The following ZNF726 variants were observed in gnomAD, a reference collection of about 807,000 sequenced individuals.
The protein encoded by ZNF726 is zinc finger protein 92 pseudogene 3.
In ZNF726, 15 loss-of-function variants were observed where a neutral mutation model predicts 11.6. That is an observed-to-expected ratio of 1.29 (90% confidence interval 0.86 to 1.99). The LOEUF (loss-of-function observed/expected upper bound fraction) is 1.99. Ranked by LOEUF, ZNF726 falls within the 30% of genes most tolerant of loss-of-function variation. The pLI, the probability that ZNF726 is intolerant of heterozygous loss-of-function variation, is 0.00. For synonymous variants in ZNF726, 295 were observed against 243.6 expected (o/e 1.21, Z -1.96); for missense variants, 890 against 725.6 (o/e 1.23, Z -2.60).
chr19:23,923,153 A>G (rs1163078276), intron 3 of ZNF726, among the ~76,000 whole-genome samples: 2 of 152,066 alleles, frequency 1.3e-5, no homozygotes, highest in Non-Finnish European at 2.9e-5. Flanking sequence ...TTCCCCAAAT[A>G]TTTGTTTCAC....
Position 23,933,312 on chromosome 19 carries a change from G to T in ZNF726, c.1196G>T (p.Cys399Phe), listed in dbSNP as rs773814539. The change falls in exon 4 of 4, where the codon TGT becomes TTT. Residue 399 changes from cysteine (C) to phenylalanine (F), a missense_variant. By Grantham distance (205) the Cys-to-Phe change is radical. Transcript: ENST00000594466. ...CACACTGGAGAGAAACCCTACAAAT[G>T]TGAAGAATGTGGCAAAGCTTTTCAT... The part of the protein sequence containing the change: ...RIHTGEKPYK[C>F]EECGKAFHRS... 4.3e-6 allele frequency: 7 copies of T among 1,613,502 alleles called. No individual in the cohort carries two copies. In the South Asian group the frequency reaches 7.7e-5, roughly 18 times the overall value.
chr19:23,942,105 A>C (rs1398626916), intron 3 of ZNF726, among the ~76,000 whole-genome samples: 1 of 152,174 alleles, frequency 6.6e-6, no homozygotes, highest in Admixed American at 6.5e-5. Context: ...ATTTAGGGAT[A>C]TGAACTTTCC....
intron 4 of ZNF726, chr19:23,943,829 C>A (rs1041884044): frequency 3.0e-6 from 1 of 331,998 alleles, no homozygotes; most frequent in Non-Finnish European, 5.5e-6. Context: ...AACTAAACTC[C>A]TCTTTATGGC....
In ZNF726 at chr19:23,933,183, T is replaced by C; in HGVS notation, c.1067T>C (p.Leu356Pro). 1.2e-6 allele frequency: 2 copies of C among 1,601,340 alleles called. No homozygotes were observed. The highest frequency in any genetic ancestry group is 1.7e-6 in the Non-Finnish European group (2 of 1,173,370). Reference sequence around the variant, plus strand: ...AAAGCTTTTAGCCAATTCGGACACCTTACTACACATAGGATAATTCATACT... The same window carrying C: ...AAAGCTTTTAGCCAATTCGGACACCCTACTACACATAGGATAATTCATACT... ...CAKAFSQFGHLTTHRIIHTGE... is the reference protein window; with the variant it reads ...CAKAFSQFGHPTTHRIIHTGE... The change falls in exon 4 of 4, where the codon CTT becomes CCT. Residue 356 changes from leucine (L) to proline (P), a missense_variant. By Grantham distance (98) the Leu-to-Pro change is moderately conservative. Coordinates refer to ENST00000594466, the MANE Select transcript of ZNF726 (RefSeq NM_001244038.2).
chr19:23,929,244 T>C (rs1960273410), intron 3 of ZNF726: 1 of 152,236 alleles, frequency 6.6e-6, no homozygotes, highest in South Asian at 2.1e-4. Context: ...TTATTTTTTA[T>C]ATCTTGTTTT....
At chr19:23,937,240 C>A (rs1385220214), downstream of ZNF726, among the ~76,000 whole-genome samples, 1 of 150,232 alleles carries the variant, frequency 6.7e-6, no homozygotes, top group African/African-American at 2.4e-5. Flanking sequence ...AGGGGGCTGA[C>A]CCCCACCTCC....
chr19:23,919,134 A>G (rs1449653630), intron 1 of ZNF726: 1 of 420,610 alleles, frequency 2.4e-6, no homozygotes, highest in East Asian at 6.5e-5. Flanking sequence ...TTTACACTTT[A>G]TCATTCAGAA....
chr19:23,928,485 C>T (rs1354811117), intron 3 of ZNF726: 10 of 152,022 alleles, frequency 6.6e-5, no homozygotes, highest in Admixed American at 3.3e-4. Context: ...TGATATTGTA[C>T]ATACACATAC....
chr19:23,926,725 A>C lies in ZNF726; in HGVS notation c.227-5618A>C, dbSNP rs1967997683. Among the ~76,000 whole-genome samples, 4 of 152,076 alleles carry C rather than the reference A, an allele frequency of 2.6e-5. No homozygotes were observed. In the South Asian group the frequency reaches 8.3e-4, roughly 32 times the overall value. ...ATTATCTTTTTTCTACTGTGTGCTC[A>C]TGTTAATTTTGTGGGAGATTATTTG... is the stretch of plus-strand genomic sequence containing the variant. On this transcript the variant is annotated intron_variant, in intron 3 of 3. Transcript: ENST00000594466.
At chr19:23,934,910 C>T (rs1027852057), downstream of ZNF726, among the ~76,000 whole-genome samples, 2 of 152,200 alleles carry the variant, frequency 1.3e-5, no homozygotes, top group African/African-American at 2.4e-5. Context: ...CTGATAAAGC[C>T]AGAGCCAGCT....
At chr19:23,943,003 A>C (rs551025160) in intron 3 of ZNF726, among the ~76,000 whole-genome samples, 3 of 151,950 alleles carry the variant, frequency 2.0e-5, no homozygotes, top group Non-Finnish European at 2.9e-5. Context: ...TGTTGTCTGC[A>C]TACTTTGGTG....
chr19:23,919,356 T>G lies in ZNF726; in HGVS notation c.4-17T>G. The G allele has an allele frequency of 1.3e-6, 2 of 1,599,514 alleles. No individual in the cohort carries two copies. The highest frequency in any genetic ancestry group is 1.7e-6 in the Non-Finnish European group (2 of 1,171,294). ...ATAGCCACTTTGTAAATATGTGTGT[T>G]TGTGTGTATTTTCCAGGGACTGTTG... On this transcript the variant is annotated splice_polypyrimidine_tract_variant and intron_variant, in intron 1 of 3. Transcript: ENST00000594466.
rs144755347 is a variant in ZNF726, at chr19:23,920,262, C to G, written c.226+180C>G. On this transcript the variant is annotated intron_variant, in intron 3 of 3. Coordinates refer to ENST00000594466, the MANE Select transcript of ZNF726 (RefSeq NM_001244038.2). ...TCTTCTGCTTATGCTTATAAAATCT[C>G]TAAGAATTCTACTCTCCCTTCAATG... 21 of 382,516 alleles carry G rather than the reference C, an allele frequency of 5.5e-5. No homozygotes were observed. In the East Asian group the frequency reaches 1.2e-3, roughly 23 times the overall value. 23.7% of individuals were successfully genotyped at this position (382,516 alleles called of 1,614,324 possible).
chr19:23,941,172 A>T (rs1296097609), intron 3 of ZNF726, among the ~76,000 whole-genome samples: 4 of 152,150 alleles, frequency 2.6e-5, no homozygotes, highest in Non-Finnish European at 5.9e-5. Context: ...AACTTTGCTG[A>T]GAGTTTTAAT....
rs1181893316 is a variant in ZNF726, at chr19:23,933,676, G to T, written c.1560G>T (p.Leu520Phe). The T allele has an allele frequency of 6.2e-7, 1 of 1,610,362 alleles. No individual in the cohort carries two copies. The highest frequency in any genetic ancestry group is 8.5e-7 in the Non-Finnish European group (1 of 1,179,448). The change falls in exon 4 of 4, where the codon TTG becomes TTT. Residue 520 changes from leucine (L) to phenylalanine (F), a missense_variant. Leu to Phe is a conservative substitution (Grantham distance 22, BLOSUM62 0). Coordinates refer to ENST00000594466, the MANE Select transcript of ZNF726 (RefSeq NM_001244038.2). ...KCEECGKAFILSSTLSKHKRI... is the reference protein window; with the variant it reads ...KCEECGKAFIFSSTLSKHKRI... ...AAGAATGTGGCAAAGCATTTATATT[G>T]TCCTCGACCCTATCTAAACATAAGA... is the stretch of plus-strand genomic sequence containing the variant.
chr19:23,918,263 T>G (rs1357607433), intron 1 of ZNF726, among the ~76,000 whole-genome samples: 1 of 152,104 alleles, frequency 6.6e-6, no homozygotes, highest in East Asian at 1.9e-4. Context: ...CAAAGAAACT[T>G]AAGCAAGCTA....
chr19:23,944,430 G>A (rs1968386536), intron 4 of ZNF726: 3 of 152,282 alleles, frequency 2.0e-5, no homozygotes, highest in Non-Finnish European at 2.9e-5. Flanking sequence ...GAGCATTTTT[G>A]TCATATGTGT....
Position 23,914,932 on chromosome 19 carries a change from T to A in ZNF726, c.-63T>A, listed in dbSNP as rs1967658210. 3 of 1,611,546 alleles carry A rather than the reference T, an allele frequency of 1.9e-6. No homozygotes were observed. In the Admixed American group the frequency reaches 5.0e-5, roughly 27 times the overall value. ...TCCAGGTCTCGTCCTCACTACTCTG[T>A]GTCTTCTGCTTTTAGGGGCGCAGCC... On this transcript the variant is annotated 5_prime_UTR_variant, in exon 1 of 4. Transcript: ENST00000594466.
chr19:23,919,418 G>A lies in ZNF726; in HGVS notation c.49G>A (p.Glu17Lys). Residue 17 changes from glutamate to lysine, a missense_variant, in exon 2 of 4, where the codon GAG becomes AAG. Coordinates refer to ENST00000594466, the MANE Select transcript of ZNF726 (RefSeq NM_001244038.2). Reference protein sequence around the residue: ...RDVAIEFSLEEWQCLDTAQKN... With the variant: ...RDVAIEFSLEKWQCLDTAQKN... ...TGTGGCCATAGAATTCTCTCTGGAG[G>A]AGTGGCAGTGCCTGGACACTGCACA... The A allele has an allele frequency of 6.2e-7, 1 of 1,608,354 alleles. No homozygotes were observed. Among genetic ancestry groups the A allele is most frequent in the Non-Finnish European group, 8.5e-7 (1 of 1,176,528 alleles).
Sources: gnomAD v4.1 joint callset for allele counts (sites outside exome capture counted in the v4.1 genomes callset) on GRCh38, gnomAD v4.1.1 for gene constraint, MANE v1.5 for transcripts, NCBI Gene and HGNC (gene_info 2026-07-23, HGNC 2026-07-21) for gene names.